The following CASK variants were observed in gnomAD, a reference collection of about 807,000 sequenced individuals.
The protein encoded by CASK is peripheral plasma membrane protein CASK.
In CASK, 4 loss-of-function variants were observed where a neutral mutation model predicts 82.9. The observed-to-expected ratio is 0.05, with a 90% confidence interval of 0.02 to 0.11. The LOEUF (loss-of-function observed/expected upper bound fraction) is 0.11. CASK is among the 10% of genes least tolerant of loss of function. CASK has a pLI of 1.00. For missense variants in CASK, 358 were observed against 720.9 expected (o/e 0.50, Z 5.76); for synonymous variants, 259 against 253.5 (o/e 1.02, Z -0.20).
rs1269750332 is a variant in CASK, at chrX:41,861,774, G to GTA, written c.60-8549_60-8548dup. Among the ~76,000 whole-genome samples, 12 of 99,349 alleles carry GTA rather than the reference G, an allele frequency of 1.2e-4. No individual in the cohort carries two copies. In the Admixed American group the frequency reaches 1.4e-3, roughly 12 times the overall value. The allele number at this position is 99,349 out of a possible 115,157, so 86.3% of individuals were successfully genotyped here. A position where few individuals can be genotyped will look rare whatever the true frequency, so the allele number is the denominator to read the frequency against. On this transcript the variant is annotated intron_variant, in intron 1 of 26. Coordinates refer to ENST00000378163, the MANE Select transcript of CASK (RefSeq NM_001367721.1). ...ACATGTATATATACACATATATAATGTATATATATTACATGTATATATGTA... is the reference window on the plus strand; with the variant it reads ...ACATGTATATATACACATATATAATGTATATATATATTACATGTATATATGTA...
At chrX:41,639,354 G>A (rs1169434375) in intron 8 of CASK, among the ~76,000 whole-genome samples, 5 of 108,608 alleles carry the variant, frequency 4.6e-5, no homozygotes, top group Non-Finnish European at 9.5e-5. Context: ...TTACAGGCGC[G>A]AGCCACCACG....
intron 1 of CASK, among the ~76,000 whole-genome samples, chrX:41,905,440 G>A (rs1267188969): frequency 8.9e-6 from 1 of 112,018 alleles, no homozygotes; most frequent in Non-Finnish European, 1.9e-5. Flanking sequence ...CACATGAAGT[G>A]GTATTTCATT....
chrX:41,779,790 T>C (rs1285164148), intron 3 of CASK, among the ~76,000 whole-genome samples: 1 of 110,741 alleles, frequency 9.0e-6, no homozygotes, highest in Non-Finnish European at 1.9e-5. Context: ...AGTTCCACTC[T>C]ATCAGTATAA....
intron 1 of CASK, among the ~76,000 whole-genome samples, chrX:41,856,059 TCC>T (rs1457835200): frequency 8.9e-6 from 1 of 112,330 alleles, no homozygotes; most frequent in African/African-American, 3.2e-5. Flanking sequence ...CAGACTAATA[TCC>T]TCTAGTTTTC....
At chrX:41,659,586 T>G (rs2066998278) in intron 8 of CASK, among the ~76,000 whole-genome samples, 1 of 111,411 alleles carries the variant, frequency 9.0e-6, no homozygotes, top group African/African-American at 3.3e-5. Flanking sequence ...AAAATGAAAA[T>G]TGCCTGGAAT....
At chrX:41,552,207 G>T (rs757176678) in intron 21 of CASK, among the ~76,000 whole-genome samples, 5 of 109,788 alleles carry the variant, frequency 4.6e-5, no homozygotes, top group Non-Finnish European at 9.5e-5. Context: ...AGAGTGCTAG[G>T]ATTACAGGTG....
chrX:41,578,382 T>C lies in CASK; in HGVS notation c.1461A>G (p.Arg487=), dbSNP rs2147201112. ...TCTTTTGAAACTGTACCAGCCGAAC[T>C]CTGGTCACATTCTCCATATCCATGT... ...NGDMDMENVT[R]VRLVQFQKNT... The change falls in exon 15 of 27, where the codon AGA becomes AGG. Residue 487 remains arginine, a synonymous_variant. Coordinates refer to ENST00000378163, the MANE Select transcript of CASK (RefSeq NM_001367721.1). 8.3e-7 allele frequency: 1 copy of C among 1,208,554 alleles called. No homozygotes were observed. Among genetic ancestry groups the C allele is most frequent in the Non-Finnish European group, 1.1e-6 (1 of 892,894 alleles).
intron 5 of CASK, among the ~76,000 whole-genome samples, chrX:41,685,036 T>C (rs1239138113): frequency 2.7e-5 from 3 of 111,797 alleles, no homozygotes; most frequent in Non-Finnish European, 3.8e-5. Flanking sequence ...GAGTAAAAGG[T>C]ATCTAGAATC....
chrX:41,755,473 T>C (rs2068877415), intron 3 of CASK, among the ~76,000 whole-genome samples: 2 of 111,908 alleles, frequency 1.8e-5, no homozygotes, highest in African/African-American at 6.5e-5. Flanking sequence ...CACTGATAGA[T>C]TAAAGATGAA....
chrX:41,820,899 A>T (rs2070523572), intron 2 of CASK, among the ~76,000 whole-genome samples: 1 of 111,354 alleles, frequency 9.0e-6, no homozygotes, highest in Admixed American at 9.5e-5. Flanking sequence ...GCGAATGGCT[A>T]CCCATGAATC....
chrX:41,537,818 TTTATTATTATTA>T (rs55857120), intron 22 of CASK, among the ~76,000 whole-genome samples: 1,983 of 95,334 alleles, frequency 0.021, 51 homozygotes, highest in African/African-American at 0.069. Flanking sequence ...GCCTATTACT[TTTATTATTATTA>T]TTATTATTAT....
At chrX:41,709,069 G>A (rs2067930427) in intron 5 of CASK, among the ~76,000 whole-genome samples, 1 of 111,851 alleles carries the variant, frequency 8.9e-6, no homozygotes, top group Admixed American at 9.5e-5. Flanking sequence ...CTTGTTTAGA[G>A]TGATGTCTTA....
chrX:41,829,629 G>A (rs199944097), intron 2 of CASK, among the ~76,000 whole-genome samples: 7,528 of 17,815 alleles, frequency 0.42, 1,815 homozygotes, highest in Middle Eastern at 0.53. Context: ...TTGGGGGGGT[G>A]GGGGTGAACA....
intron 11 of CASK, among the ~76,000 whole-genome samples, chrX:41,612,910 GC>G (rs1306058938): frequency 1.0e-5 from 1 of 99,612 alleles, no homozygotes; most frequent in African/African-American, 3.7e-5. Context: ...CCGGCCAGCC[GC>G]CCCATCCGGG....
At chrX:41,546,069 T>C (rs1306222149) in intron 21 of CASK, among the ~76,000 whole-genome samples, 3 of 110,731 alleles carry the variant, frequency 2.7e-5, no homozygotes, top group African/African-American at 9.9e-5. Context: ...TCCTCCCAGG[T>C]TCAAGTGATT....
At chrX:41,646,263 T>C (rs986488230) in intron 8 of CASK, among the ~76,000 whole-genome samples, 2 of 111,211 alleles carry the variant, frequency 1.8e-5, no homozygotes, top group African/African-American at 6.5e-5. Context: ...TGAGGGCCCA[T>C]CTAAAACTTT....
Position 41,922,997 on chromosome X carries a change from G to A in CASK, c.-9C>T, listed in dbSNP as rs751834291. On this transcript the variant is annotated 5_prime_UTR_variant, in exon 1 of 27. Transcript: ENST00000378163. ...ACGTCGTCGTCGGCCATGGTCCGGAGGGGATAGCGGCCGCAGCGTGGAGGG... is the reference window on the plus strand; with the variant it reads ...ACGTCGTCGTCGGCCATGGTCCGGAAGGGATAGCGGCCGCAGCGTGGAGGG... The A allele has an allele frequency of 2.5e-6, 3 of 1,209,412 alleles. No homozygotes were observed. Among genetic ancestry groups the A allele is most frequent in the Non-Finnish European group, 3.4e-6 (3 of 893,394 alleles).
intron 9 of CASK, among the ~76,000 whole-genome samples, chrX:41,630,333 T>C (rs1232400275): frequency 8.9e-6 from 1 of 111,754 alleles, no homozygotes; most frequent in East Asian, 2.8e-4. Context: ...AACAAAGTTA[T>C]TGAGGAACAC....
intron 12 of CASK, among the ~76,000 whole-genome samples, chrX:41,599,363 C>T (rs1216079261): frequency 2.7e-5 from 3 of 111,523 alleles, no homozygotes; most frequent in African/African-American, 6.5e-5. Flanking sequence ...CCTAGTAATA[C>T]GCTGCTCTAA....
Sources: gnomAD v4.1 joint callset for allele counts (sites outside exome capture counted in the v4.1 genomes callset) on GRCh38, gnomAD v4.1.1 for gene constraint, MANE v1.5 for transcripts, NCBI Gene and HGNC (gene_info 2026-07-23, HGNC 2026-07-21) for gene names.